Variants in H3-7 observed in about 807,000 individuals in gnomAD.
The protein encoded by H3-7 is H3.7 histone (putative).
chr1:143,904,614 A>G, the H3-7 span: 3 of 1,583,518 alleles, frequency 1.9e-6, no homozygotes, highest in Non-Finnish European at 8.6e-7. Context: ...TTTTGCGCGA[A>G]AAAAGAGAAC....
the H3-7 span, chr1:143,904,326 C>A: frequency 7.6e-6 from 12 of 1,582,508 alleles, 1 homozygote; most frequent in Non-Finnish European, 9.5e-6. Flanking sequence ...CTGGATCTCG[C>A]GGGACGTGAT....
At chr1:143,903,974 C>T in the H3-7 span, among the ~76,000 whole-genome samples, 2 of 146,392 alleles carry the variant, frequency 1.4e-5, no homozygotes, top group African/African-American at 2.5e-5. Context: ...TTTCTAATCT[C>T]GTAGCACAGA....
chr1:143,905,704 G>A, the H3-7 span: 23 of 1,582,562 alleles, frequency 1.5e-5, 1 homozygote, highest in East Asian at 4.6e-5. Context: ...CATCACGGCC[G>A]AGCTCTGGAA....
chr1:143,904,568 C>A, the H3-7 span: 3 of 1,604,640 alleles, frequency 1.9e-6, no homozygotes, highest in Non-Finnish European at 2.6e-6. Context: ...TGGAGCCCTT[C>A]TTGGGAGCAG....
At chr1:143,904,409 G>A in the H3-7 span, 16 of 1,582,996 alleles carry the variant, frequency 1.0e-5, 1 homozygote, top group Non-Finnish European at 1.4e-5. Flanking sequence ...CGTTGACGAA[G>A]GAGTTCATGA....
At chr1:143,902,414 A>T in the H3-7 span, among the ~76,000 whole-genome samples, 4 of 146,910 alleles carry the variant, frequency 2.7e-5, no homozygotes, top group East Asian at 6.1e-4. Context: ...AATTGGGTGT[A>T]AATTTGAACT....
chr1:143,904,778 T>C, the H3-7 span: 2 of 627,188 alleles, frequency 3.2e-6, no homozygotes, highest in Non-Finnish European at 5.5e-6. Context: ...ATGTAAATAA[T>C]AGATTCTAGT....
At chr1:143,905,953 T>C in the H3-7 span, 2 of 1,579,884 alleles carry the variant, frequency 1.3e-6, 1 homozygote, top group Non-Finnish European at 1.7e-6. Context: ...GGCAGTCTGC[T>C]TAGTACGGGC....
the H3-7 span, chr1:143,904,475 C>T: frequency 8.1e-6 from 13 of 1,598,238 alleles, no homozygotes; most frequent in African/African-American, 1.6e-4. Flanking sequence ...TCAGCACCTC[C>T]TACACGTAAA....
chr1:143,905,611 G>A, the H3-7 span: 16 of 1,582,356 alleles, frequency 1.0e-5, 1 homozygote, highest in South Asian at 5.6e-5. Context: ...GGGCATGATG[G>A]TCACGCGCTT....
the H3-7 span, among the ~76,000 whole-genome samples, chr1:143,903,946 C>T: frequency 3.4e-5 from 5 of 146,656 alleles, no homozygotes; most frequent in African/African-American, 1.2e-4. Flanking sequence ...TCCCAAATAT[C>T]CCAGAACGAG....
At chr1:143,904,665 T>C in the H3-7 span, 1 of 1,525,610 alleles carries the variant, frequency 6.6e-7, no homozygotes, top group African/African-American at 1.4e-5. Flanking sequence ...CAAAACGGGC[T>C]GGTTATGCGC....
the H3-7 span, chr1:143,905,943 G>C: frequency 1.3e-6 from 2 of 1,580,226 alleles, no homozygotes; most frequent in Non-Finnish European, 8.7e-7. Context: ...TCGACTTGCG[G>C]GCAGTCTGCT....
the H3-7 span, chr1:143,905,932 G>T: frequency 6.3e-7 from 1 of 1,580,258 alleles, no homozygotes; most frequent in Non-Finnish European, 8.7e-7. Context: ...CTTGCCGCCG[G>T]TCGACTTGCG....
chr1:143,905,532 A>T, the H3-7 span: 1 of 1,515,260 alleles, frequency 6.6e-7, no homozygotes, highest in South Asian at 1.2e-5. Flanking sequence ...AAGAGCCTTT[A>T]GATCGACCAC....
the H3-7 span, chr1:143,905,395 T>A: frequency 1.7e-6 from 1 of 600,754 alleles, no homozygotes; most frequent in African/African-American, 1.9e-5. Flanking sequence ...AACTCACGGC[T>A]GGGCTTTGGG....
At chr1:143,905,806 C>G in the H3-7 span, 10 of 1,582,204 alleles carry the variant, frequency 6.3e-6, no homozygotes, top group Non-Finnish European at 7.8e-6. Flanking sequence ...CTTCTGATAG[C>G]GCCGGATCTC....
the H3-7 span, chr1:143,905,394 C>A: frequency 5.0e-6 from 3 of 600,048 alleles, no homozygotes; most frequent in Admixed American, 6.3e-5. Context: ...CAACTCACGG[C>A]TGGGCTTTGG....
At chr1:143,905,850 C>T in the H3-7 span, 2 of 1,581,524 alleles carry the variant, frequency 1.3e-6, no homozygotes, top group African/African-American at 1.3e-5. Context: ...GGTAGCGGTG[C>T]GGCTTCTTCA....
Sources: gnomAD v4.1 joint callset for allele counts (sites outside exome capture counted in the v4.1 genomes callset) on GRCh38, gnomAD v4.1.1 for gene constraint, MANE v1.5 for transcripts, NCBI Gene and HGNC (gene_info 2026-07-23, HGNC 2026-07-21) for gene names.